ADAM10: variants seen among roughly 807,000 people sequenced by gnomAD.
ADAM10 encodes the protein ADAM metallopeptidase domain 10, also known as disintegrin and metalloproteinase domain-containing protein 10.
ADAM10 carries 17 observed loss-of-function variants against 90.1 expected under a neutral mutation model. The observed-to-expected ratio is 0.19, with a 90% CI of 0.13 to 0.28. The LOEUF is 0.28. ADAM10 is among the 10% of genes least tolerant of loss of function. The pLI, the probability that ADAM10 is intolerant of heterozygous loss-of-function variation, is 1.00. For synonymous variants in ADAM10, 310 were observed against 298.6 expected (o/e 1.04, Z -0.40); for missense variants, 610 against 914.3 (o/e 0.67, Z 4.29).
intron 1 of ADAM10, among the ~76,000 whole-genome samples, chr15:58,730,896 C>A (rs757954706): frequency 3.3e-5 from 5 of 152,192 alleles, no homozygotes; most frequent in Non-Finnish European, 5.9e-5. Context: ...CGGCCTTCAG[C>A]CTCAGACAGA....
chr15:58,610,917 G>T, intron 13 of ADAM10, 82 bp downstream of exon 13: 1 of 1,077,268 alleles, frequency 9.3e-7, no homozygotes, highest in Non-Finnish European at 1.4e-6. Context: ...CCAAACTGTA[G>T]GTCAAAGTTT....
intron 14 of ADAM10, among the ~76,000 whole-genome samples, chr15:58,603,737 C>T (rs35496267): frequency 6.6e-6 from 1 of 151,724 alleles, no homozygotes; most frequent in East Asian, 1.9e-4. Flanking sequence ...AAAGCAAAAG[C>T]AAAAACTTGA....
At chr15:58,635,100 C>T (rs913322164) in intron 8 of ADAM10, among the ~76,000 whole-genome samples, 1 of 151,128 alleles carries the variant, frequency 6.6e-6, no homozygotes, top group African/African-American at 2.4e-5. Flanking sequence ...TCGGTGAAAC[C>T]CCATCTCTGC....
intron 1 of ADAM10, among the ~76,000 whole-genome samples, chr15:58,734,134 C>A (rs1405438389): frequency 6.6e-6 from 1 of 152,122 alleles, no homozygotes; most frequent in Non-Finnish European, 1.5e-5. Flanking sequence ...ACCCTGAAAT[C>A]TTACCATGTA....
intron 8 of ADAM10, among the ~76,000 whole-genome samples, chr15:58,638,483 C>T (rs534328472): frequency 3.3e-5 from 5 of 151,802 alleles, no homozygotes; most frequent in Admixed American, 3.3e-4. Context: ...CGCATGGTGG[C>T]GGGCGCCTGT....
At chr15:58,683,919 G>A (rs922716134) in intron 2 of ADAM10, among the ~76,000 whole-genome samples, 1 of 149,910 alleles carries the variant, frequency 6.7e-6, no homozygotes, top group African/African-American at 2.5e-5. Context: ...CAGTATCCAC[G>A]GGGGATTGGT....
chr15:58,628,341 G>A (rs1028488050), intron 9 of ADAM10, among the ~76,000 whole-genome samples: 1 of 151,996 alleles, frequency 6.6e-6, no homozygotes, highest in Non-Finnish European at 1.5e-5. Flanking sequence ...ACACAGAACA[G>A]GAATCTAAGA....
At position 58,596,449 on chromosome 15, in the gene ADAM10, T is replaced by A. The variant is rs998100060; in HGVS notation, c.*1098A>T. ...CCTATCTACAATTTTAACTACTACT[T>A]AAGCAAATTACTCATCTTTAGTGGT... is the stretch of plus-strand genomic sequence containing the variant. On this transcript the variant is annotated 3_prime_UTR_variant, in exon 16 of 16. Coordinates refer to ENST00000260408, the MANE Select transcript of ADAM10 (RefSeq NM_001110.4). The A allele has an allele frequency of 6.6e-6, 1 of 152,630 alleles. No homozygotes were observed. The highest frequency in any genetic ancestry group is 1.5e-5 in the Non-Finnish European group (1 of 68,022). 9.5% of individuals were successfully genotyped at this position (152,630 alleles called of 1,614,324 possible).
intron 10 of ADAM10, among the ~76,000 whole-genome samples, chr15:58,622,670 T>C (rs1466199497): frequency 1.3e-5 from 2 of 152,218 alleles, no homozygotes; most frequent in Admixed American, 1.3e-4. Flanking sequence ...GAGCCAGATC[T>C]TGGTTGATTA....
At position 58,633,212 on chromosome 15, in the gene ADAM10, T is replaced by C; in HGVS notation, c.1160A>G (p.His387Arg). 6.2e-7 allele frequency: 1 copy of C among 1,613,164 alleles called. No homozygotes were observed. Among genetic ancestry groups the C allele is most frequent in the Non-Finnish European group, 8.5e-7 (1 of 1,179,212 alleles). Residue 387 changes from histidine to arginine, a missense_variant, in exon 9 of 16, where the codon CAT (histidine) becomes CGT (arginine). Physicochemically the swap from His to Arg is conservative, Grantham distance 29. Transcript: ENST00000260408. The part of the protein sequence containing the change: ...SHITFAHEVG[H>R]NFGSPHDSGT... The stretch of plus-strand genomic sequence containing the variant: ...AATACTTACTGGGGATCCAAAGTTA[T>C]GTCCAACTTCGTGAGCAAAAGTAAT...
chr15:58,621,725 C>T (rs1490948565), intron 10 of ADAM10, 104 bp from the exon 11 acceptor site: 4 of 1,406,672 alleles, frequency 2.8e-6, no homozygotes, highest in Non-Finnish European at 3.0e-6. Flanking sequence ...TAAAGGAAAA[C>T]TTTGATGAAT....
At chr15:58,676,047 C>A (rs1897297734) in intron 4 of ADAM10, 1 of 218,278 alleles carries the variant, frequency 4.6e-6, no homozygotes, top group Non-Finnish European at 9.5e-6. Flanking sequence ...CATCCTTTGC[C>A]ATTTAGTTAT....
chr15:58,654,865 T>C (rs1269672586), intron 5 of ADAM10, among the ~76,000 whole-genome samples: 1 of 152,242 alleles, frequency 6.6e-6, no homozygotes, highest in South Asian at 2.1e-4. Flanking sequence ...ATACCTGATA[T>C]TATTTCAATT....
intron 8 of ADAM10, among the ~76,000 whole-genome samples, chr15:58,635,274 C>CAAAAAA (rs58106236): frequency 3.0e-5 from 2 of 65,882 alleles, no homozygotes; most frequent in African/African-American, 7.5e-5. Context: ...GACTCTGTCT[C>CAAAAAA]AAAAAAAAAA....
chr15:58,715,014 G>C (rs1285054620), intron 2 of ADAM10, among the ~76,000 whole-genome samples: 2 of 152,142 alleles, frequency 1.3e-5, no homozygotes, highest in Non-Finnish European at 2.9e-5. Context: ...CAGAAATTCT[G>C]AGACAGAGTG....
At chr15:58,661,885 CTCAGA>C (rs1176973000) in intron 5 of ADAM10, among the ~76,000 whole-genome samples, 3 of 151,932 alleles carry the variant, frequency 2.0e-5, no homozygotes, top group African/African-American at 7.3e-5. Flanking sequence ...AATTTTTTAC[CTCAGA>C]TAATATATTT....
intron 8 of ADAM10, among the ~76,000 whole-genome samples, chr15:58,633,901 T>TAAA (rs541203863): frequency 8.5e-6 from 1 of 118,218 alleles, no homozygotes; most frequent in African/African-American, 3.2e-5. Flanking sequence ...TCAAGAAGGT[T>TAAA]AAAAAAAAAA....
chr15:58,711,189 T>A (rs773882236), intron 2 of ADAM10, among the ~76,000 whole-genome samples: 20 of 152,312 alleles, frequency 1.3e-4, no homozygotes, highest in African/African-American at 4.8e-4. Flanking sequence ...AACAATTATA[T>A]TGCACTTAAG....
chr15:58,633,048 C>CA (rs746815406), intron 9 of ADAM10, 148 bp downstream of exon 9: 56 of 753,862 alleles, frequency 7.4e-5, no homozygotes, highest in East Asian at 1.6e-4. Context: ...TCCTCCCTTT[C>CA]AGTATGGTCA....
Sources: allele counts gnomAD v4.1 joint callset (sites outside exome capture counted in the v4.1 genomes callset), GRCh38; gene constraint gnomAD v4.1.1; transcripts MANE v1.5; gene names NCBI Gene and HGNC (gene_info 2026-07-23, HGNC 2026-07-21).